PRICKLE1: variants seen among roughly 807,000 people sequenced by gnomAD.
PRICKLE1 encodes prickle-like protein 1.
PRICKLE1 carries 14 observed loss-of-function variants against 70.2 expected under a neutral mutation model. That is an observed-to-expected ratio of 0.20 (90% CI 0.13 to 0.31). The LOEUF (loss-of-function observed/expected upper bound fraction) is 0.31. Ranked by LOEUF, PRICKLE1 falls within the 10% of genes least tolerant of loss-of-function variation. PRICKLE1 has a pLI of 1.00. For synonymous variants in PRICKLE1, 357 were observed against 379.9 expected (o/e 0.94, Z 0.70); for missense variants, 821 against 1,026.2 (o/e 0.80, Z 2.73).
intron 5 of PRICKLE1, among the ~76,000 whole-genome samples, chr12:42,467,753 T>G (rs912025811): frequency 6.6e-6 from 1 of 151,620 alleles, no homozygotes; most frequent in Non-Finnish European, 1.5e-5. Flanking sequence ...CCCAAAAAAA[T>G]AAATCAAAAC....
intron 1 of PRICKLE1, among the ~76,000 whole-genome samples, chr12:42,558,693 A>G (rs1940453188): frequency 1.3e-5 from 2 of 152,258 alleles, no homozygotes; most frequent in Admixed American, 6.5e-5. Flanking sequence ...AGAAAGTAAT[A>G]AAGTGCTATT....
At position 42,468,683 on chromosome 12, in the gene PRICKLE1, A is replaced by C; in HGVS notation, c.531T>G (p.Ile177Met). 1 of 1,614,108 alleles carries C rather than the reference A, an allele frequency of 6.2e-7. No individual in the cohort carries two copies. The highest frequency in any genetic ancestry group is 8.5e-7 in the Non-Finnish European group (1 of 1,180,012). ...GTTCTGCATGGTGCCTGCCACAGTG[A>C]ATTTTTCCATCCTGATAAAAATAGA... ...DLIYFYQDGKIHCGRHHAELL... is the reference protein window; with the variant it reads ...DLIYFYQDGKMHCGRHHAELL... The change falls in exon 5 of 8, where the codon ATT becomes ATG. Residue 177 changes from isoleucine to methionine, a missense_variant. Transcript: ENST00000345127.
At chr12:42,493,344 A>G (rs1284132141) in intron 1 of PRICKLE1, among the ~76,000 whole-genome samples, 2 of 152,154 alleles carry the variant, frequency 1.3e-5, no homozygotes, top group Non-Finnish European at 2.9e-5. Context: ...AAATATATAC[A>G]CCGTCTATGT....
At position 42,460,087 on chromosome 12, in the gene PRICKLE1, C is replaced by A. The variant is rs760738396; in HGVS notation, c.2218G>T (p.Asp740Tyr). 2.5e-6 allele frequency: 4 copies of A among 1,613,968 alleles called. No homozygotes were observed. The African/African-American group carries it at 5.3e-5, about 22-fold the overall frequency. Reference sequence around the variant, plus strand: ...ATTCCTGGGTTCTGCAGGCCATAATCGGAAGTGGCATGGGCGTACTGTCCG... The same window carrying A: ...ATTCCTGGGTTCTGCAGGCCATAATAGGAAGTGGCATGGGCGTACTGTCCG... ...LYGQYAHATS[D>Y]YGLQNPGMNR... The change falls in exon 8 of 8, where the codon GAT becomes TAT. Residue 740 changes from aspartate (D) to tyrosine (Y), a missense_variant. By Grantham distance (160) the Asp-to-Tyr change is radical (BLOSUM62 -3). Coordinates refer to ENST00000345127, the MANE Select transcript of PRICKLE1 (RefSeq NM_153026.3).
At chr12:42,476,307 C>A (rs1938528494) in intron 1 of PRICKLE1, among the ~76,000 whole-genome samples, 2 of 152,000 alleles carry the variant, frequency 1.3e-5, no homozygotes. Flanking sequence ...CTCAGTCTCC[C>A]AAGTAGCTGG....
intron 1 of PRICKLE1, among the ~76,000 whole-genome samples, chr12:42,526,960 G>A (rs1291189135): frequency 1.3e-5 from 2 of 151,982 alleles, no homozygotes; most frequent in East Asian, 1.9e-4. Flanking sequence ...TAGGGGTGAC[G>A]GTGAGTGGGG....
chr12:42,543,813 AC>A (rs1940158671), intron 1 of PRICKLE1, among the ~76,000 whole-genome samples: 1 of 152,014 alleles, frequency 6.6e-6, no homozygotes, highest in African/African-American at 2.4e-5. Context: ...GAGCCACCGC[AC>A]CCGGCCAACT....
At chr12:42,521,416 T>C (rs1939706130) in intron 1 of PRICKLE1, among the ~76,000 whole-genome samples, 1 of 152,132 alleles carries the variant, frequency 6.6e-6, no homozygotes, top group Non-Finnish European at 1.5e-5. Context: ...AAGCAGTTAA[T>C]AGACCTACTG....
chr12:42,537,235 T>C (rs966957551), intron 1 of PRICKLE1, among the ~76,000 whole-genome samples: 4 of 152,028 alleles, frequency 2.6e-5, no homozygotes, highest in African/African-American at 9.7e-5. Flanking sequence ...AGTTCATCAA[T>C]GTAGCCTCAA....
chr12:42,459,783 A>C lies in PRICKLE1; in HGVS notation c.*26T>G. The stretch of plus-strand genomic sequence containing the variant: ...TCAGACGGTTAATGGCTAAGTTTTA[A>C]ACAAATGCTCTGCATCACTACTTGG... On this transcript the variant is annotated 3_prime_UTR_variant, in exon 8 of 8. Coordinates refer to ENST00000345127, the MANE Select transcript of PRICKLE1 (RefSeq NM_153026.3). 2 of 1,613,906 alleles carry C rather than the reference A, an allele frequency of 1.2e-6. No individual in the cohort carries two copies. The highest frequency in any genetic ancestry group is 8.5e-7 in the Non-Finnish European group (1 of 1,179,852).
intron 1 of PRICKLE1, among the ~76,000 whole-genome samples, chr12:42,534,033 T>C (rs1168952603): frequency 6.6e-6 from 1 of 152,216 alleles, no homozygotes; most frequent in African/African-American, 2.4e-5. Flanking sequence ...TTGACCTAGA[T>C]TTATTTTATT....
At chr12:42,467,539 G>A (rs139937412) in intron 5 of PRICKLE1, among the ~76,000 whole-genome samples, 2 of 151,850 alleles carry the variant, frequency 1.3e-5, no homozygotes, top group Admixed American at 6.6e-5. Flanking sequence ...TCAGGAATTC[G>A]AGACCAGCCT....
rs1055949678 is a variant in PRICKLE1 at position 42,457,928 on chromosome 12, G to C, written c.*1881C>G. The C allele has an allele frequency of 6.6e-6, 1 of 152,210 alleles. No individual in the cohort carries two copies. Among genetic ancestry groups the C allele is most frequent in the Non-Finnish European group, 1.5e-5 (1 of 68,050 alleles). The allele number at this position is 152,210 out of a possible 1,614,324, so 9.4% of individuals were successfully genotyped here. ...GCTGTCTCTGACTTTTGCCCTATTT[G>C]AATTTTTTTGTCATGTGTATGCACT... is the stretch of plus-strand genomic sequence containing the variant. On this transcript the variant is annotated 3_prime_UTR_variant, in exon 8 of 8. Coordinates refer to ENST00000345127, the MANE Select transcript of PRICKLE1 (RefSeq NM_153026.3).
intron 1 of PRICKLE1, among the ~76,000 whole-genome samples, chr12:42,533,321 T>C (rs1939956948): frequency 6.6e-6 from 1 of 152,144 alleles, no homozygotes; most frequent in Non-Finnish European, 1.5e-5. Context: ...CTGATTAGAT[T>C]TATGATGACT....
chr12:42,556,089 G>T (rs1388913289), intron 1 of PRICKLE1, among the ~76,000 whole-genome samples: 2 of 152,164 alleles, frequency 1.3e-5, no homozygotes, highest in Non-Finnish European at 2.9e-5. Context: ...CAGGCATAAA[G>T]TCCTATTGAT....
intron 1 of PRICKLE1, among the ~76,000 whole-genome samples, chr12:42,491,421 T>C (rs1262371428): frequency 1.3e-5 from 2 of 151,004 alleles, no homozygotes; most frequent in Non-Finnish European, 3.0e-5. Flanking sequence ...GGCATGGTGG[T>C]GGGTGCCTGT....
At chr12:42,550,353 C>G (rs754823299) in intron 1 of PRICKLE1, 1 of 152,072 alleles carries the variant, frequency 6.6e-6, no homozygotes, top group Non-Finnish European at 1.5e-5. Flanking sequence ...AAGAAAAAAT[C>G]TGTTGAGTAA....
chr12:42,506,823 G>A (rs1027069732), intron 1 of PRICKLE1, among the ~76,000 whole-genome samples: 2 of 151,602 alleles, frequency 1.3e-5, no homozygotes, highest in African/African-American at 2.4e-5. Flanking sequence ...TACCCGCCTC[G>A]ACCTCCTAAA....
chr12:42,579,680 C>T (rs147110731), intron 1 of PRICKLE1, among the ~76,000 whole-genome samples: 2 of 152,108 alleles, frequency 1.3e-5, no homozygotes, highest in East Asian at 1.9e-4. Flanking sequence ...CCACTGGCCA[C>T]GTGTAAAAGT....
Sources: allele counts gnomAD v4.1 joint callset (sites outside exome capture counted in the v4.1 genomes callset), GRCh38; gene constraint gnomAD v4.1.1; transcripts MANE v1.5; gene names NCBI Gene and HGNC (gene_info 2026-07-23, HGNC 2026-07-21).